PRSS23: variants seen among roughly 807,000 people sequenced by gnomAD.
PRSS23 encodes the protein serine protease 23.
Under a neutral mutation model 34.7 loss-of-function variants are expected in PRSS23, and 25 were observed. The ratio of observed to expected loss-of-function variants is 0.72; its 90% confidence interval spans 0.53 to 1.01. The LOEUF (loss-of-function observed/expected upper bound fraction) is 1.01. PRSS23 is among the 50% of genes least tolerant of loss of function. The probability of loss-of-function intolerance (pLI) is 0.00; values close to 1 mark genes in which losing one functional copy is unlikely to be tolerated. For missense variants in PRSS23, 445 were observed against 475.6 expected, an observed-to-expected ratio of 0.94 and a Z score of 0.60; for synonymous variants, 176 against 186.6, an observed-to-expected ratio of 0.94 and a Z score of 0.46.
intron 2 of PRSS23, among the ~76,000 whole-genome samples, chr11:86,871,004 T>C (rs952630597): frequency 6.6e-6 from 1 of 152,204 alleles, no homozygotes; most frequent in African/African-American, 2.4e-5. Flanking sequence ...ATATTGACAA[T>C]TTTTTTCCTG....
chr11:86,843,953 A>G (rs190981899), intron 2 of PRSS23, among the ~76,000 whole-genome samples: 6 of 152,324 alleles, frequency 3.9e-5, no homozygotes, highest in Non-Finnish European at 5.9e-5. Context: ...TACTATAAAG[A>G]CACATGCCCA....
chr11:86,952,588 C>A, exon 3 of PRSS23: 2 of 1,097,836 alleles, frequency 1.8e-6, no homozygotes, highest in Non-Finnish European at 2.7e-6. Context: ...ACTTTTAAAC[C>A]AACCTATCGG....
intron 2 of PRSS23, among the ~76,000 whole-genome samples, chr11:86,899,180 C>T (rs1047161234): frequency 8.5e-5 from 13 of 152,054 alleles, no homozygotes; most frequent in Non-Finnish European, 1.3e-4. Flanking sequence ...ACTCATGGTG[C>T]ACTGCTAGGG....
chr11:86,865,697 T>C (rs897515482), intron 2 of PRSS23, among the ~76,000 whole-genome samples: 1 of 152,198 alleles, frequency 6.6e-6, no homozygotes, highest in Non-Finnish European at 1.5e-5. Context: ...CTGGCTTTGG[T>C]CCCACTGAGG....
At chr11:86,938,861 A>T (rs1046996425) in intron 2 of PRSS23, among the ~76,000 whole-genome samples, 6 of 152,194 alleles carry the variant, frequency 3.9e-5, no homozygotes, top group Admixed American at 3.9e-4. Context: ...AGCAGAAACG[A>T]CAGGCAGTCA....
intron 2 of PRSS23, among the ~76,000 whole-genome samples, chr11:86,929,990 A>G (rs766723409): frequency 3.3e-5 from 5 of 152,176 alleles, no homozygotes; most frequent in Non-Finnish European, 7.3e-5. Context: ...AGCAATACTA[A>G]TAGTATAACA....
chr11:86,824,182 C>A (rs1948278521), intron 2 of PRSS23, among the ~76,000 whole-genome samples: 1 of 151,304 alleles, frequency 6.6e-6, no homozygotes, highest in Non-Finnish European at 1.5e-5. Flanking sequence ...GCCCCGTATG[C>A]CTGTGGTTCC....
At chr11:86,850,833 T>C (rs1016869207) in intron 2 of PRSS23, among the ~76,000 whole-genome samples, 3 of 152,208 alleles carry the variant, frequency 2.0e-5, no homozygotes, top group Non-Finnish European at 4.4e-5. Flanking sequence ...ATTCCAGTTT[T>C]CCTCAAAATC....
intron 2 of PRSS23, among the ~76,000 whole-genome samples, chr11:86,877,874 TG>T (rs1486535139): frequency 1.5e-4 from 21 of 143,546 alleles, no homozygotes; most frequent in Non-Finnish European, 2.9e-4. Context: ...AAAAAAGAGG[TG>T]GGGTGGGGGG....
chr11:86,851,895 A>T (rs1002181445), intron 2 of PRSS23, among the ~76,000 whole-genome samples: 3 of 152,172 alleles, frequency 2.0e-5, no homozygotes, highest in African/African-American at 7.2e-5. Flanking sequence ...GATGTCTATG[A>T]AAAGGACAAC....
At chr11:86,867,225 C>G (rs1411850943) in intron 2 of PRSS23, among the ~76,000 whole-genome samples, 1 of 152,220 alleles carries the variant, frequency 6.6e-6, no homozygotes, top group African/African-American at 2.4e-5. Context: ...ATAAAACCAC[C>G]TTCATCCTTA....
intron 2 of PRSS23, among the ~76,000 whole-genome samples, chr11:86,842,402 A>T (rs144817133): frequency 1.1e-3 from 162 of 152,306 alleles, no homozygotes; most frequent in African/African-American, 3.6e-3. Flanking sequence ...TCACCACTCC[A>T]ATTCAACATA....
At chr11:86,901,261 A>G (rs141487289) in intron 2 of PRSS23, among the ~76,000 whole-genome samples, 2 of 152,230 alleles carry the variant, frequency 1.3e-5, no homozygotes, top group Non-Finnish European at 2.9e-5. Context: ...GGGGACATTG[A>G]CCAATATGCA....
intron 2 of PRSS23, among the ~76,000 whole-genome samples, chr11:86,842,084 A>G (rs900265768): frequency 6.6e-6 from 1 of 152,196 alleles, no homozygotes; most frequent in Non-Finnish European, 1.5e-5. Flanking sequence ...CTTATCCACC[A>G]CTATCAAGTC....
intron 2 of PRSS23, among the ~76,000 whole-genome samples, chr11:86,885,069 T>A (rs1948793785): frequency 6.6e-6 from 1 of 152,248 alleles, no homozygotes; most frequent in Admixed American, 6.5e-5. Flanking sequence ...AGGACATTTA[T>A]TTTATTTATC....
At chr11:86,833,893 C>T (rs1948381227) in intron 2 of PRSS23, among the ~76,000 whole-genome samples, 1 of 152,062 alleles carries the variant, frequency 6.6e-6, no homozygotes, top group Non-Finnish European at 1.5e-5. Flanking sequence ...TGAATTGGGG[C>T]ATAGTAGGGG....
At chr11:86,824,414 G>C (rs535991970) in intron 2 of PRSS23, among the ~76,000 whole-genome samples, 38 of 146,454 alleles carry the variant, frequency 2.6e-4, no homozygotes, top group Admixed American at 2.1e-3. Flanking sequence ...AGAACAGTGG[G>C]GTGAGGCCTT....
chr11:86,940,612 G>A (rs948828369), intron 2 of PRSS23, among the ~76,000 whole-genome samples: 2 of 152,020 alleles, frequency 1.3e-5, no homozygotes, highest in East Asian at 1.9e-4. Flanking sequence ...AACTTTTGCC[G>A]ACTCCCCTGT....
chr11:86,849,018 G>T (rs561802688), intron 2 of PRSS23, among the ~76,000 whole-genome samples: 1 of 152,114 alleles, frequency 6.6e-6, no homozygotes, highest in African/African-American at 2.4e-5. Flanking sequence ...GAGGATGAAG[G>T]CCCCCTGGGC....
Sources: allele counts gnomAD v4.1 joint callset (sites outside exome capture counted in the v4.1 genomes callset), GRCh38; gene constraint gnomAD v4.1.1; transcripts MANE v1.5; gene names NCBI Gene and HGNC (gene_info 2026-07-23, HGNC 2026-07-21).